The following NRG3 variants were observed in gnomAD, a reference collection of about 807,000 sequenced individuals.
NRG3 encodes neuregulin 3, also known as pro-neuregulin-3, membrane-bound isoform.
Under a neutral mutation model 66.9 loss-of-function variants are expected in NRG3, and 31 were observed. That is an observed-to-expected ratio of 0.46 (90% CI 0.35 to 0.63). The LOEUF (loss-of-function observed/expected upper bound fraction) is 0.63, where lower values mean the gene tolerates loss of function less well. Among genes scored for constraint, NRG3 ranks in the 20% least tolerant of loss-of-function variants. The pLI is 0.00. For synonymous variants in NRG3, 393 were observed against 359.4 expected (o/e 1.09, Z -1.06); for missense variants, 910 against 878.9 (o/e 1.04, Z -0.45).
intron 1 of NRG3, among the ~76,000 whole-genome samples, chr10:82,151,703 C>A (rs1022694036): frequency 9.3e-6 from 1 of 107,286 alleles, no homozygotes; most frequent in Non-Finnish European, 2.5e-5. Context: ...CTTGTTTTTT[C>A]CCTTATTGTC....
intron 1 of NRG3, among the ~76,000 whole-genome samples, chr10:82,194,377 A>G (rs974141833): frequency 6.6e-6 from 1 of 152,092 alleles, no homozygotes; most frequent in African/African-American, 2.4e-5. Context: ...AAAAGTGAGA[A>G]ATGGATGCTG....
chr10:82,644,386 T>G (rs1446029424), intron 2 of NRG3, among the ~76,000 whole-genome samples: 1 of 152,184 alleles, frequency 6.6e-6, no homozygotes, highest in Non-Finnish European at 1.5e-5. Context: ...CCACTGGTGA[T>G]ATCTATGCTT....
chr10:82,929,771 G>C (rs1847372171), intron 4 of NRG3, among the ~76,000 whole-genome samples: 1 of 151,772 alleles, frequency 6.6e-6, no homozygotes, highest in Admixed American at 6.6e-5. Flanking sequence ...CACAGCTATG[G>C]TGGCTGAGGC....
chr10:82,074,850 A>G (rs1411235216), intron 1 of NRG3, among the ~76,000 whole-genome samples: 1 of 152,152 alleles, frequency 6.6e-6, no homozygotes, highest in Non-Finnish European at 1.5e-5. Context: ...CCACACCAAA[A>G]ACTAAAAATC....
intron 2 of NRG3, among the ~76,000 whole-genome samples, chr10:82,720,635 G>T (rs1003835656): frequency 6.7e-6 from 1 of 148,528 alleles, no homozygotes; most frequent in Non-Finnish European, 1.5e-5. Context: ...TGTCATGAGG[G>T]TTACTTTACC....
chr10:82,846,694 G>A (rs1000634043), intron 3 of NRG3, among the ~76,000 whole-genome samples: 8 of 152,162 alleles, frequency 5.3e-5, no homozygotes, highest in African/African-American at 1.9e-4. Context: ...ATAATTGTAA[G>A]CATTGCATAT....
intron 4 of NRG3, among the ~76,000 whole-genome samples, chr10:82,949,687 T>A (rs949667085): frequency 3.7e-4 from 57 of 152,034 alleles, no homozygotes; most frequent in African/African-American, 1.3e-3. Context: ...AAACCTCATC[T>A]CTACTAAAAG....
At chr10:82,460,806 A>G (rs912200110) in intron 2 of NRG3, among the ~76,000 whole-genome samples, 3 of 152,096 alleles carry the variant, frequency 2.0e-5, no homozygotes, top group African/African-American at 7.2e-5. Flanking sequence ...CAGTGTGAGG[A>G]GCACCTCCCC....
intron 2 of NRG3, among the ~76,000 whole-genome samples, chr10:82,563,593 CAATAT>C (rs1479714053): frequency 1.9e-4 from 29 of 151,772 alleles, no homozygotes; most frequent in African/African-American, 6.8e-4. Context: ...TCTTTAAATA[CAATAT>C]GTCACATACT....
chr10:81,907,338 T>C (rs1245431551), intron 1 of NRG3, among the ~76,000 whole-genome samples: 1 of 152,152 alleles, frequency 6.6e-6, no homozygotes, highest in Non-Finnish European at 1.5e-5. Flanking sequence ...AATTAGAAGC[T>C]CAAAGCTCTG....
chr10:82,187,629 G>A (rs1231798093), intron 1 of NRG3, among the ~76,000 whole-genome samples: 2 of 152,082 alleles, frequency 1.3e-5, no homozygotes, highest in African/African-American at 2.4e-5. Context: ...GGTTGAGAGA[G>A]GCTTCCTGGT....
chr10:81,885,104 T>C (rs1842516043), intron 1 of NRG3, among the ~76,000 whole-genome samples: 1 of 152,196 alleles, frequency 6.6e-6, no homozygotes, highest in African/African-American at 2.4e-5. Flanking sequence ...TCCTTGATCT[T>C]TTTAACTCTC....
At chr10:82,398,233 G>T (rs1270297502) in intron 2 of NRG3, among the ~76,000 whole-genome samples, 1 of 152,068 alleles carries the variant, frequency 6.6e-6, no homozygotes, top group East Asian at 1.9e-4. Flanking sequence ...TAGACTATGG[G>T]GAGAGAAACC....
At chr10:82,493,388 T>G (rs1257095120) in intron 2 of NRG3, among the ~76,000 whole-genome samples, 1 of 152,170 alleles carries the variant, frequency 6.6e-6, no homozygotes, top group East Asian at 1.9e-4. Flanking sequence ...ATGTTTGGTT[T>G]TCTGTTTCTG....
intron 1 of NRG3, among the ~76,000 whole-genome samples, chr10:82,219,547 T>C (rs970442667): frequency 7.2e-5 from 11 of 152,262 alleles, no homozygotes; most frequent in Non-Finnish European, 1.5e-4. Flanking sequence ...CCTCAATATA[T>C]ATTTGTTAAT....
At chr10:82,839,157 G>T (rs1420952773) in intron 3 of NRG3, among the ~76,000 whole-genome samples, 1 of 152,100 alleles carries the variant, frequency 6.6e-6, no homozygotes, top group East Asian at 1.9e-4. Flanking sequence ...CAAACTGAAA[G>T]TTGTAGTAGG....
intron 4 of NRG3, among the ~76,000 whole-genome samples, chr10:82,895,472 A>T (rs1488571033): frequency 6.7e-6 from 1 of 149,326 alleles, no homozygotes; most frequent in Non-Finnish European, 1.5e-5. Context: ...AAGACAATCC[A>T]GCACAATAAC....
At chr10:82,862,926 G>A (rs2064211243) in intron 3 of NRG3, among the ~76,000 whole-genome samples, 1 of 152,086 alleles carries the variant, frequency 6.6e-6, no homozygotes, top group African/African-American at 2.4e-5. Context: ...ATGTACCATG[G>A]TGGTTTGCTG....
At chr10:82,360,491 G>A (rs1937962) in intron 2 of NRG3, among the ~76,000 whole-genome samples, 15,467 of 152,228 alleles carry the variant, frequency 0.1, 1,319 homozygotes, top group East Asian at 0.26. Flanking sequence ...GTTTTACCAA[G>A]AGGAGGAATC....
Sources: allele counts gnomAD v4.1 joint callset (sites outside exome capture counted in the v4.1 genomes callset), GRCh38; gene constraint gnomAD v4.1.1; transcripts MANE v1.5; gene names NCBI Gene and HGNC (gene_info 2026-07-23, HGNC 2026-07-21).